Variants in ANO9 observed in about 807,000 individuals in gnomAD.
ANO9 encodes anoctamin 9.
Under a neutral mutation model 100.5 loss-of-function variants are expected in ANO9, and 80 were observed. The observed-to-expected ratio is 0.80, with a 90% CI of 0.66 to 0.96. The LOEUF (loss-of-function observed/expected upper bound fraction) is 0.96. Among genes scored for constraint, ANO9 ranks in the 40% least tolerant of loss-of-function variants. The pLI, the probability that ANO9 is intolerant of heterozygous loss-of-function variation, is 0.00. For missense variants in ANO9, 1,064 were observed against 1,072.7 expected (o/e 0.99, Z 0.11); for synonymous variants, 473 against 435.6 (o/e 1.09, Z -1.07).
chr11:428,671 G>A (rs761072516), intron 12 of ANO9, 32 bp from the exon 13 acceptor site: 1 of 1,612,002 alleles, frequency 6.2e-7, no homozygotes, highest in South Asian at 1.1e-5. Flanking sequence ...CGGGGGCCGG[G>A]GAGGGCATGC....
At chr11:434,003 G>A (rs1395806892) in intron 2 of ANO9, 21 bp downstream of exon 2, 1 of 1,550,462 alleles carries the variant, frequency 6.4e-7, no homozygotes, top group African/African-American at 1.4e-5. Context: ...TGGGGCCCGG[G>A]AGGGGCCCCC....
intron 15 of ANO9, among the ~76,000 whole-genome samples, chr11:423,885 T>TCTCACA (rs113475254): frequency 6.3e-5 from 9 of 143,306 alleles, no homozygotes; most frequent in African/African-American, 1.0e-4. Context: ...AGTTGAATAC[T>TCTCACA]CACACACACA....
intron 15 of ANO9, among the ~76,000 whole-genome samples, chr11:427,055 A>G (rs1410346991): frequency 6.6e-6 from 1 of 152,212 alleles, no homozygotes; most frequent in East Asian, 1.9e-4. Flanking sequence ...GGCCCACAGC[A>G]AGCCATGGTG....
At position 428,707 on chromosome 11, in the gene ANO9, G is replaced by A; in HGVS notation, c.1020+15C>T. On this transcript the variant is annotated intron_variant, in intron 12 of 22. Transcript: ENST00000332826. Reference sequence around the variant, plus strand: ...AGCCCGGGTCTCCAGCCCCACCGCGGTGTCCCCTGCGTACCATGAGCAGGG... The same window carrying A: ...AGCCCGGGTCTCCAGCCCCACCGCGATGTCCCCTGCGTACCATGAGCAGGG... 1 of 1,612,942 alleles carries A rather than the reference G, an allele frequency of 6.2e-7. No individual in the cohort carries two copies. The highest frequency in any genetic ancestry group is 8.5e-7 in the Non-Finnish European group (1 of 1,179,922).
intron 1 of ANO9, among the ~76,000 whole-genome samples, chr11:439,802 C>T (rs751059054): frequency 1.3e-5 from 2 of 152,166 alleles, no homozygotes; most frequent in South Asian, 2.1e-4. Flanking sequence ...GCTGGCTCTG[C>T]GCTCCTGAAG....
intron 3 of ANO9, 68 bp from the exon 4 acceptor site, chr11:433,527 C>A: frequency 6.4e-7 from 1 of 1,568,560 alleles, no homozygotes; most frequent in Admixed American, 1.8e-5. Flanking sequence ...TCAGAACCCT[C>A]CCCCCTCTAT....
At chr11:429,411 C>T in intron 11 of ANO9, 159 bp downstream of exon 11, 1 of 1,463,968 alleles carries the variant, frequency 6.8e-7, no homozygotes, top group East Asian at 2.5e-5. Flanking sequence ...AGGGACACGC[C>T]TCACAGGTGG....
chr11:437,073 C>A (rs1845408353), intron 1 of ANO9, among the ~76,000 whole-genome samples: 2 of 75,328 alleles, frequency 2.7e-5, no homozygotes, highest in African/African-American at 6.3e-5. Flanking sequence ...GGTGAATGTT[C>A]CCACCTGGGC....
chr11:438,727 C>T (rs1845589696), intron 1 of ANO9, among the ~76,000 whole-genome samples: 1 of 152,100 alleles, frequency 6.6e-6, no homozygotes, highest in African/African-American at 2.4e-5. Flanking sequence ...CTGGCTTCTC[C>T]ACACCACCCT....
chr11:437,777 G>A (rs115887268), intron 1 of ANO9, among the ~76,000 whole-genome samples: 207 of 152,330 alleles, frequency 1.4e-3, no homozygotes, highest in African/African-American at 4.8e-3. Flanking sequence ...GAAGTGTTGT[G>A]TTGGAGGGAT....
At chr11:435,151 A>ATAGTC (rs1228208112) in intron 1 of ANO9, among the ~76,000 whole-genome samples, 1 of 151,762 alleles carries the variant, frequency 6.6e-6, no homozygotes, top group Admixed American at 6.6e-5. Flanking sequence ...ATAGTATGGT[A>ATAGTC]TAGTCTAGTC....
Position 418,314 on chromosome 11 carries a change from G to A in ANO9, c.*57C>T, listed in dbSNP as rs1221045355. On this transcript the variant is annotated 3_prime_UTR_variant, in exon 23 of 23. Transcript: ENST00000332826. ...AACACGCACAGCGGTGGGCTTGTGG[G>A]AGGTGCTGGTGGTGGCACTGTCTCA... 8 of 1,466,580 alleles carry A rather than the reference G, an allele frequency of 5.5e-6. No homozygotes were observed. Among genetic ancestry groups the A allele is most frequent in the Middle Eastern group, 2.4e-4 (1 of 4,132 alleles). 90.8% of individuals were successfully genotyped at this position (1,466,580 alleles called of 1,614,324 possible).
chr11:431,698 T>A lies in ANO9; in HGVS notation c.535A>T (p.Ile179Phe). 6.2e-7 allele frequency: 1 copy of A among 1,612,408 alleles called. No homozygotes were observed. Among genetic ancestry groups the A allele is most frequent in the South Asian group, 1.1e-5 (1 of 91,078 alleles). ...GCTCTCTTTGGGCAGCGTTACCTGA[T>A]TTCATCAACTGGCTGCTCCCGGAAC... ...HMFREQPVDE[I>F]RNYFGEKVAL... The change falls in exon 7 of 23, where the codon ATC becomes TTC. Residue 179 changes from isoleucine (I) to phenylalanine (F), a missense_variant. Coordinates refer to ENST00000332826, the MANE Select transcript of ANO9 (RefSeq NM_001012302.3).
chr11:422,818 C>T lies in ANO9; in HGVS notation c.1335-1620G>A, dbSNP rs1485451550. Among the ~76,000 whole-genome samples, 1 of 151,114 alleles carries T rather than the reference C, an allele frequency of 6.6e-6. No homozygotes were observed. The highest frequency in any genetic ancestry group is 1.5e-5 in the Non-Finnish European group (1 of 67,932). On this transcript the variant is annotated intron_variant, in intron 15 of 22. Coordinates refer to ENST00000332826, the MANE Select transcript of ANO9 (RefSeq NM_001012302.3). This position sits in a 1 kb window ranked among gnomAD's most constrained non-coding sequence, Gnocchi z 4.3. ...TCATTTTACTTATACAATCTTAAGC[C>T]AAGTCCCACAGAATTTTTTTTTTTT...
At chr11:433,545 C>T in intron 3 of ANO9, 86 bp from the exon 4 acceptor site, 1 of 1,502,548 alleles carries the variant, frequency 6.7e-7, no homozygotes, top group Non-Finnish European at 9.1e-7. Flanking sequence ...TATTCCACCT[C>T]AGAACCCTCC....
At chr11:427,043 G>C (rs963966062) in intron 15 of ANO9, among the ~76,000 whole-genome samples, 3 of 152,182 alleles carry the variant, frequency 2.0e-5, no homozygotes, top group Non-Finnish European at 4.4e-5. Flanking sequence ...CAGGAGAGAC[G>C]TGGCCCACAG....
rs375777820 is a variant in ANO9, at chr11:423,107, C to T, written c.1335-1909G>A. Among the ~76,000 whole-genome samples the T allele has an allele frequency of 9.9e-5, 15 of 152,204 alleles. No homozygotes were observed. In the East Asian group the frequency reaches 2.9e-3, roughly 29 times the overall value. Reference sequence around the variant, plus strand: ...CCTCCCAAAGTGCTGGGATTACAGGCGTGAGCCACCACACCCAGCTAGTCT... The same window carrying T: ...CCTCCCAAAGTGCTGGGATTACAGGTGTGAGCCACCACACCCAGCTAGTCT... On this transcript the variant is annotated intron_variant, in intron 15 of 22. Transcript: ENST00000332826.
At chr11:419,024 G>T (rs1168063695) in intron 20 of ANO9, 35 bp from the exon 21 acceptor site, 2 of 1,611,746 alleles carry the variant, frequency 1.2e-6, no homozygotes, top group Non-Finnish European at 1.7e-6. Context: ...GGGTGGGGTG[G>T]GCTTCCAGGG....
At chr11:430,233 C>G (rs967299733) in intron 8 of ANO9, 36 bp downstream of exon 8, 52 of 1,551,568 alleles carry the variant, frequency 3.4e-5, no homozygotes, top group Non-Finnish European at 4.1e-5. Context: ...CAGGGCCCAC[C>G]CCGGCCCCCC....
Sources: gnomAD v4.1 joint callset for allele counts (sites outside exome capture counted in the v4.1 genomes callset) on GRCh38, gnomAD v4.1.1 for gene constraint, Gnocchi (gnomAD v3.1) non-coding constraint, MANE v1.5 for transcripts, NCBI Gene and HGNC (gene_info 2026-07-23, HGNC 2026-07-21) for gene names.